The following MDH1 variants were observed in gnomAD, a reference collection of about 807,000 sequenced individuals.
The protein encoded by MDH1 is malate dehydrogenase, cytoplasmic.
MDH1 carries 15 observed loss-of-function variants against 38.7 expected under a neutral mutation model. That is an observed-to-expected ratio of 0.39 (90% CI 0.26 to 0.60). The LOEUF is 0.60. Among genes scored for constraint, MDH1 ranks in the 20% least tolerant of loss-of-function variants. The pLI is 0.56. For synonymous variants in MDH1, 144 were observed against 143.6 expected (o/e 1.00, Z -0.02); for missense variants, 368 against 405.2 (o/e 0.91, Z 0.79).
At chr2:63,604,626 G>A in intron 5 of MDH1, 70 bp from the exon 6 acceptor site, 1 of 1,248,978 alleles carries the variant, frequency 8.0e-7, no homozygotes. Context: ...AAGGGCATTT[G>A]TCAAAACAGG....
chr2:63,603,344 T>C (rs939358009), intron 5 of MDH1, among the ~76,000 whole-genome samples: 2 of 152,232 alleles, frequency 1.3e-5, no homozygotes, highest in Non-Finnish European at 2.9e-5. Context: ...AATATCAAAG[T>C]GTATTCCTTT....
At chr2:63,589,560 A>C (rs987053184) in intron 1 of MDH1, among the ~76,000 whole-genome samples, 1 of 152,226 alleles carries the variant, frequency 6.6e-6, no homozygotes, top group Admixed American at 6.5e-5. Context: ...CGCCATATCT[A>C]ATTTCTCAAA....
intron 5 of MDH1, 106 bp from the exon 6 acceptor site, chr2:63,604,590 A>G: frequency 1.1e-6 from 1 of 910,610 alleles, no homozygotes; most frequent in Non-Finnish European, 1.6e-6. Flanking sequence ...TTCTCTTGAA[A>G]TTTCAGAAGC....
chr2:63,599,369 C>G, intron 5 of MDH1, 77 bp downstream of exon 5: 1 of 1,457,490 alleles, frequency 6.9e-7, no homozygotes, highest in Non-Finnish European at 9.2e-7. Context: ...ATAACTGAAT[C>G]TGAGTTTGTG....
chr2:63,605,471 C>G, intron 7 of MDH1, 78 bp downstream of exon 7: 1 of 1,030,916 alleles, frequency 9.7e-7, no homozygotes, highest in East Asian at 2.5e-5. Flanking sequence ...AGAATATAGC[C>G]TTAGCAGTCA....
intron 1 of MDH1, among the ~76,000 whole-genome samples, chr2:63,591,213 C>T (rs898882874): frequency 2.0e-5 from 3 of 152,198 alleles, no homozygotes; most frequent in African/African-American, 7.2e-5. Context: ...GAATAGTAAC[C>T]TATGTTCACA....
chr2:63,600,550 G>C (rs1382004542), intron 5 of MDH1, among the ~76,000 whole-genome samples: 1 of 152,152 alleles, frequency 6.6e-6, no homozygotes, highest in East Asian at 1.9e-4. Context: ...TTCTTATGAG[G>C]ATTAAATAAG....
At chr2:63,601,420 T>G (rs750713642) in intron 5 of MDH1, among the ~76,000 whole-genome samples, 1 of 152,182 alleles carries the variant, frequency 6.6e-6, no homozygotes, top group Non-Finnish European at 1.5e-5. Flanking sequence ...TAATTTGACA[T>G]TGATACCAGA....
chr2:63,604,066 T>C lies in MDH1; in HGVS notation c.499-630T>C, dbSNP rs561080698. On this transcript the variant is annotated intron_variant, in intron 5 of 8. Transcript: ENST00000233114. ...AGTTATAGCTAGAGATTGTTACATA[T>C]GTTATAATTTTAGAGTGTATATATG... Among the ~76,000 whole-genome samples, 17 of 149,518 alleles carry C rather than the reference T, an allele frequency of 1.1e-4. 1 individual carries two copies. In the South Asian group the frequency reaches 3.5e-3, roughly 31 times the overall value.
intron 5 of MDH1, among the ~76,000 whole-genome samples, chr2:63,603,080 C>T (rs1259423521): frequency 5.3e-5 from 8 of 151,882 alleles, no homozygotes; most frequent in Non-Finnish European, 1.2e-4. Context: ...CTGCCTCAGC[C>T]TCCTGAGTAG....
chr2:63,596,671 G>T (rs1638242449), intron 3 of MDH1, among the ~76,000 whole-genome samples: 1 of 152,170 alleles, frequency 6.6e-6, no homozygotes, highest in African/African-American at 2.4e-5. Context: ...CCTTGACTAT[G>T]ATGCAACTAG....
intron 5 of MDH1, among the ~76,000 whole-genome samples, chr2:63,601,881 C>T (rs1709425025): frequency 6.6e-6 from 1 of 152,146 alleles, no homozygotes; most frequent in South Asian, 2.1e-4. Context: ...TTTCTATATA[C>T]CATACCAGCT....
chr2:63,589,382 A>T (rs756677268), intron 1 of MDH1: 13 of 1,550,534 alleles, frequency 8.4e-6, no homozygotes, highest in Non-Finnish European at 1.0e-5. Flanking sequence ...TAAGGACGAT[A>T]AGGTTTGCGA....
At chr2:63,599,143 C>G in intron 4 of MDH1, 27 bp from the exon 5 acceptor site, 2 of 1,610,200 alleles carry the variant, frequency 1.2e-6, no homozygotes, top group Non-Finnish European at 1.7e-6. Flanking sequence ...TAGTCTGTAA[C>G]TCTTCAGTGC....
chr2:63,605,823 C>T (rs1044295464), intron 7 of MDH1, 116 bp from the exon 8 acceptor site: 7 of 840,960 alleles, frequency 8.3e-6, no homozygotes, highest in Non-Finnish European at 1.4e-5. Flanking sequence ...TAGTTCCTTA[C>T]ACAGTAATGA....
chr2:63,599,148 C>T, intron 4 of MDH1, 22 bp from the exon 5 acceptor site: 2 of 1,611,402 alleles, frequency 1.2e-6, no homozygotes, highest in Non-Finnish European at 1.7e-6. Flanking sequence ...TGTAACTCTT[C>T]AGTGCCTTCC....
Position 63,594,471 on chromosome 2 carries a change from G to A in MDH1, c.4-17G>A. 6.4e-7 allele frequency: 1 copy of A among 1,569,582 alleles called. No homozygotes were observed. On this transcript the variant is annotated splice_polypyrimidine_tract_variant and intron_variant, in intron 1 of 8. Transcript: ENST00000233114. ...ACAGTAGTACTTAAAGATGTTAATGGGTCTTTTTCATTACAGTCTGAACCA... is the reference window on the plus strand; with the variant it reads ...ACAGTAGTACTTAAAGATGTTAATGAGTCTTTTTCATTACAGTCTGAACCA...
chr2:63,604,893 T>A, intron 6 of MDH1, 21 bp downstream of exon 6: 2 of 1,612,512 alleles, frequency 1.2e-6, no homozygotes, highest in Non-Finnish European at 1.7e-6. Context: ...TCTGTGAGCC[T>A]TCTTAACACT....
chr2:63,598,925 A>C (rs2106614971), intron 4 of MDH1, among the ~76,000 whole-genome samples: 1 of 150,260 alleles, frequency 6.7e-6, no homozygotes, highest in South Asian at 2.1e-4. Context: ...GATATATGGG[A>C]GTCAGTCTCT....
Sources: gnomAD v4.1 joint callset for allele counts (sites outside exome capture counted in the v4.1 genomes callset) on GRCh38, gnomAD v4.1.1 for gene constraint, MANE v1.5 for transcripts, NCBI Gene and HGNC (gene_info 2026-07-23, HGNC 2026-07-21) for gene names.